Variants in MYO9A observed in about 807,000 individuals in gnomAD.
MYO9A encodes the protein unconventional myosin-IXa.
MYO9A carries 103 observed loss-of-function variants against 293.3 expected under a neutral mutation model. That is an observed-to-expected ratio of 0.35 (90% CI 0.30 to 0.41). MYO9A has a LOEUF of 0.41. Ranked by LOEUF, MYO9A falls within the 10% of genes least tolerant of loss-of-function variation. The pLI is 1.00. For synonymous variants in MYO9A, 1,001 were observed against 1,035.7 expected (o/e 0.97, Z 0.64); for missense variants, 2,685 against 3,033.0 (o/e 0.89, Z 2.69).
chr15:71,826,838 G>A lies in MYO9A; in HGVS notation c.7389C>T (p.Ala2463=). The part of the protein sequence containing the change: ...IYSKSPFYRA[A]SGNEALGMEG... ...CCATTCCCAGGGCCTCATTACCTGA[G>A]GCAGCTCGGTAGAATGGAGATTTGG... The change falls in exon 42 of 42, where the codon GCC becomes GCT. Residue 2463 remains alanine, a synonymous_variant. Coordinates refer to ENST00000356056, the MANE Select transcript of MYO9A (RefSeq NM_006901.4). 1 of 1,614,160 alleles carries A rather than the reference G, an allele frequency of 6.2e-7. No individual in the cohort carries two copies. The highest frequency in any genetic ancestry group is 1.1e-5 in the South Asian group (1 of 91,086).
chr15:72,019,185 G>A (rs2077427590), intron 5 of MYO9A, 90 bp from the exon 6 acceptor site: 5 of 1,046,248 alleles, frequency 4.8e-6, no homozygotes, highest in Non-Finnish European at 7.4e-6. Flanking sequence ...TAGTACTGCT[G>A]CTCTCCATTG....
intron 18 of MYO9A, among the ~76,000 whole-genome samples, chr15:71,919,080 G>T (rs1168589110): frequency 1.3e-5 from 2 of 152,052 alleles, no homozygotes; most frequent in African/African-American, 2.4e-5. Context: ...TTTCAACACT[G>T]CACATAATAT....
At chr15:72,061,786 C>A (rs888535093) in intron 1 of MYO9A, among the ~76,000 whole-genome samples, 1 of 152,198 alleles carries the variant, frequency 6.6e-6, no homozygotes, top group Admixed American at 6.5e-5. Context: ...AAGAGAAGCA[C>A]AGGAGCCTGT....
At chr15:72,102,501 A>T (rs1440988473) in intron 1 of MYO9A, among the ~76,000 whole-genome samples, 2 of 114,186 alleles carry the variant, frequency 1.8e-5, no homozygotes, top group Non-Finnish European at 3.9e-5. Context: ...AATAAATTTA[A>T]AAAAAAAAAA....
intron 3 of MYO9A, among the ~76,000 whole-genome samples, chr15:72,029,019 C>T (rs966159684): frequency 3.9e-5 from 6 of 152,032 alleles, no homozygotes; most frequent in Admixed American, 1.3e-4. Flanking sequence ...GGATATTATG[C>T]GTACACAAAG....
intron 10 of MYO9A, among the ~76,000 whole-genome samples, chr15:71,992,729 G>A (rs991834619): frequency 3.3e-5 from 5 of 151,744 alleles, no homozygotes; most frequent in African/African-American, 1.2e-4. Flanking sequence ...AACACAACTA[G>A]ATGTGAAATG....
Position 72,010,233 on chromosome 15 carries a change from G to A in MYO9A, c.1253+117C>T, listed in dbSNP as rs891542204. 2.6e-5 allele frequency: 18 copies of A among 679,846 alleles called. No homozygotes were observed. The African/African-American group carries it at 2.9e-4, about 11-fold the overall frequency. 42.1% of individuals were successfully genotyped at this position (679,846 alleles called of 1,614,324 possible). A position where few individuals can be genotyped will look rare whatever the true frequency, so the allele number is the denominator to read the frequency against. On this transcript the variant is annotated intron_variant, in intron 7 of 41. Transcript: ENST00000356056. ...AGAAATAATGCTCGAGATGGATGAG[G>A]TACTAGATGAAGAATACCACTTAGA...
At chr15:71,956,861 AT>A (rs1405186633) in intron 14 of MYO9A, among the ~76,000 whole-genome samples, 4 of 34,288 alleles carry the variant, frequency 1.2e-4, no homozygotes, top group Non-Finnish European at 1.5e-4. Flanking sequence ...ACACACACAA[AT>A]ATATATATAT....
intron 32 of MYO9A, among the ~76,000 whole-genome samples, chr15:71,871,293 C>G (rs756107773): frequency 6.6e-6 from 1 of 151,878 alleles, no homozygotes; most frequent in South Asian, 2.1e-4. Flanking sequence ...GAGGACTGCT[C>G]GAGCCCAAGA....
intron 19 of MYO9A, among the ~76,000 whole-genome samples, chr15:71,909,433 C>T (rs1437756430): frequency 2.0e-5 from 3 of 152,160 alleles, no homozygotes; most frequent in Non-Finnish European, 2.9e-5. Flanking sequence ...TTGTTTTGGA[C>T]TTCTGCCATT....
chr15:72,004,136 A>G (rs2076951322), intron 8 of MYO9A, among the ~76,000 whole-genome samples: 2 of 152,260 alleles, frequency 1.3e-5, no homozygotes, highest in African/African-American at 4.8e-5. Context: ...TAATTTTCTA[A>G]AAATTCTTAA....
rs762670489 is a variant in MYO9A, at chr15:71,826,845, C to T, written c.7382G>A (p.Arg2461Gln). 18 of 1,613,914 alleles carry T rather than the reference C, an allele frequency of 1.1e-5. No individual in the cohort carries two copies. The African/African-American group carries it at 1.2e-4, about 11-fold the overall frequency. ...FQIYSKSPFY[R>Q]AASGNEALGM... Reference sequence around the variant, plus strand: ...CAGGGCCTCATTACCTGAGGCAGCTCGGTAGAATGGAGATTTGGAATAAAT... The same window carrying T: ...CAGGGCCTCATTACCTGAGGCAGCTTGGTAGAATGGAGATTTGGAATAAAT... Residue 2461 changes from arginine (R) to glutamine (Q), a missense_variant, in exon 42 of 42, where the codon CGA becomes CAA. By Grantham distance (43) the Arg-to-Gln change is conservative (BLOSUM62 1). Around this residue, in one of 10 missense-constraint regions of MYO9A, gnomAD observed 350 missense variants for 328.9 expected, o/e 1.06. Transcript: ENST00000356056.
At chr15:71,962,973 A>G (rs564516744) in intron 13 of MYO9A, among the ~76,000 whole-genome samples, 15 of 152,328 alleles carry the variant, frequency 9.8e-5, no homozygotes, top group Non-Finnish European at 2.1e-4. Flanking sequence ...CCACAAGAAC[A>G]TACTTTGTGG....
Position 72,108,887 on chromosome 15 carries a change from C to T in MYO9A, c.-72+8793G>A, listed in dbSNP as rs560434058. Among the ~76,000 whole-genome samples the T allele has an allele frequency of 4.0e-5, 6 of 151,738 alleles. No individual in the cohort carries two copies. The South Asian group carries it at 1.3e-3, about 32-fold the overall frequency. Reference sequence around the variant, plus strand: ...AAGTGATTCTCCTGCCTCAGTCTCCCGAGTAGCTGGGATTATAAGCACCCA... The same window carrying T: ...AAGTGATTCTCCTGCCTCAGTCTCCTGAGTAGCTGGGATTATAAGCACCCA... On this transcript the variant is annotated intron_variant, in intron 1 of 41. Coordinates refer to ENST00000356056, the MANE Select transcript of MYO9A (RefSeq NM_006901.4).
intron 2 of MYO9A, chr15:72,045,207 G>A (rs540991896): frequency 1.2e-4 from 18 of 152,328 alleles, no homozygotes; most frequent in African/African-American, 3.9e-4. Context: ...TTTTGGCTAA[G>A]ATCAAGTACA....
chr15:71,992,242 C>G (rs1185036212), intron 10 of MYO9A, among the ~76,000 whole-genome samples: 1 of 152,144 alleles, frequency 6.6e-6, no homozygotes, highest in African/African-American at 2.4e-5. Context: ...AACATAAATG[C>G]TTATATTCTT....
At chr15:72,104,954 A>C (rs1166757143) in intron 1 of MYO9A, among the ~76,000 whole-genome samples, 2 of 152,254 alleles carry the variant, frequency 1.3e-5, no homozygotes, top group African/African-American at 4.8e-5. Flanking sequence ...GAAAACATTC[A>C]AGACATGGGC....
intron 39 of MYO9A, among the ~76,000 whole-genome samples, chr15:71,843,706 G>A (rs531784145): frequency 9.2e-5 from 14 of 152,204 alleles, no homozygotes; most frequent in Middle Eastern, 3.4e-3. Flanking sequence ...GCCTAGGCTG[G>A]TCTTGAACTC....
intron 18 of MYO9A, among the ~76,000 whole-genome samples, chr15:71,917,506 G>T (rs2058042779): frequency 6.6e-6 from 1 of 152,182 alleles, no homozygotes; most frequent in African/African-American, 2.4e-5. Context: ...CTGCACACCA[G>T]CCCGGGCAAC....
Sources: allele counts gnomAD v4.1 joint callset (sites outside exome capture counted in the v4.1 genomes callset), GRCh38; gene constraint gnomAD v4.1.1; regional missense constraint gnomAD v4.1.1; transcripts MANE v1.5; gene names NCBI Gene and HGNC (gene_info 2026-07-23, HGNC 2026-07-21).